COG2: variants seen among roughly 807,000 people sequenced by gnomAD.
The protein encoded by COG2 is component of oligomeric golgi complex 2.
COG2 carries 52 observed loss-of-function variants against 90.6 expected under a neutral mutation model. The ratio of observed to expected loss-of-function variants is 0.57; its 90% confidence interval spans 0.46 to 0.72. The LOEUF is 0.72. Among genes scored for constraint, COG2 ranks in the 30% least tolerant of loss-of-function variants. COG2 has a pLI of 0.00. For synonymous variants in COG2, 337 were observed against 320.4 expected, an observed-to-expected ratio of 1.05 and a Z score of -0.55; for missense variants, 829 against 891.2, an observed-to-expected ratio of 0.93 and a Z score of 0.89.
intron 1 of COG2, among the ~76,000 whole-genome samples, chr1:230,652,798 A>G (rs1195172118): frequency 6.6e-6 from 1 of 152,058 alleles, no homozygotes; most frequent in African/African-American, 2.4e-5. Flanking sequence ...ATTTTTTCAG[A>G]TCTTTCGCTC....
rs1663096662 is a variant in COG2, at chr1:230,693,574, A to G, written c.*181A>G. ...AGCGTATTTGGGTCTTCTTTGCCCA[A>G]AAGAACACAAAAGCCTTTTTCCATT... On this transcript the variant is annotated 3_prime_UTR_variant, in exon 18 of 18. Coordinates refer to ENST00000366669, the MANE Select transcript of COG2 (RefSeq NM_007357.3). 4.5e-6 allele frequency: 2 copies of G among 445,846 alleles called. No individual in the cohort carries two copies. The highest frequency in any genetic ancestry group is 4.2e-5 in the Admixed American group (1 of 23,752). 27.6% of individuals were successfully genotyped at this position (445,846 alleles called of 1,614,324 possible).
intron 1 of COG2, among the ~76,000 whole-genome samples, chr1:230,646,973 T>C (rs940326600): frequency 6.6e-6 from 1 of 152,174 alleles, no homozygotes; most frequent in Non-Finnish European, 1.5e-5. Context: ...CATTATAATC[T>C]AGTGGCTTCT....
chr1:230,668,815 G>A, intron 6 of COG2, 31 bp downstream of exon 6: 5 of 1,347,132 alleles, frequency 3.7e-6, no homozygotes, highest in Non-Finnish European at 5.2e-6. Context: ...CCACAGTTTG[G>A]TGTTTAGGGA....
At chr1:230,653,953 C>T (rs1254375937) in intron 1 of COG2, among the ~76,000 whole-genome samples, 2 of 152,274 alleles carry the variant, frequency 1.3e-5, no homozygotes, top group South Asian at 2.1e-4. Flanking sequence ...GGTATCCTCT[C>T]AACTCTTGTA....
chr1:230,683,654 TA>T lies in COG2; in HGVS notation c.1228+21del, dbSNP rs749812254. The T allele has an allele frequency of 2.6e-6, 4 of 1,555,690 alleles. No homozygotes were observed. In the South Asian group the frequency reaches 4.5e-5, roughly 17 times the overall value. ...GCCCCAGGTAACTCCCTTAAAGTGATAAGTGGCATGGTATCCTAAATGAGTT... is the reference window on the plus strand; with the variant it reads ...GCCCCAGGTAACTCCCTTAAAGTGATAGTGGCATGGTATCCTAAATGAGTT... On this transcript the variant is annotated intron_variant, in intron 11 of 17. Transcript: ENST00000366669.
At chr1:230,666,780 A>G (rs375469785) in intron 5 of COG2, among the ~76,000 whole-genome samples, 1 of 152,182 alleles carries the variant, frequency 6.6e-6, no homozygotes, top group African/African-American at 2.4e-5. Flanking sequence ...AGCTCAAAAC[A>G]TGCTTAAAGT....
intron 1 of COG2, among the ~76,000 whole-genome samples, chr1:230,646,308 C>T (rs185542719): frequency 1.2e-4 from 19 of 152,322 alleles, no homozygotes; most frequent in African/African-American, 4.3e-4. Context: ...AGATGGAAGT[C>T]GATCCACCAG....
At chr1:230,692,179 T>C (rs985294393) in intron 17 of COG2, among the ~76,000 whole-genome samples, 13 of 152,070 alleles carry the variant, frequency 8.5e-5, no homozygotes, top group African/African-American at 3.1e-4. Flanking sequence ...GAGGACAGTA[T>C]CATAAAACCT....
At chr1:230,647,088 G>A (rs959853419) in intron 1 of COG2, among the ~76,000 whole-genome samples, 3 of 151,938 alleles carry the variant, frequency 2.0e-5, no homozygotes, top group Non-Finnish European at 4.4e-5. Context: ...TATGTAACAG[G>A]TGCTTGTATG....
At chr1:230,664,359 T>A (rs1224953449) in intron 4 of COG2, 125 bp from the exon 5 acceptor site, 1 of 418,652 alleles carries the variant, frequency 2.4e-6, no homozygotes, top group Non-Finnish European at 4.3e-6. Flanking sequence ...ATACTAAAAA[T>A]ATAGAATGCT....
intron 1 of COG2, among the ~76,000 whole-genome samples, chr1:230,654,070 C>G (rs546574690): frequency 6.6e-6 from 1 of 152,148 alleles, no homozygotes; most frequent in Non-Finnish European, 1.5e-5. Flanking sequence ...TGTAGGTTGC[C>G]TGTTCACTCT....
At chr1:230,669,069 G>A (rs907473931) in intron 6 of COG2, 2 of 449,240 alleles carry the variant, frequency 4.5e-6, no homozygotes, top group Non-Finnish European at 3.9e-6. Context: ...GCCCTTAATT[G>A]GATTTTAAAT....
In COG2 at chr1:230,658,208, T is replaced by C. The variant is rs144096297; in HGVS notation, c.73-1256T>C. On this transcript the variant is annotated intron_variant, in intron 1 of 17. Transcript: ENST00000366669. Reference sequence around the variant, plus strand: ...GTTTCTCCCCATCTTTGTGGATTAATCTACCTTTGGTCTTTGATGTTGGTG... The same window carrying C: ...GTTTCTCCCCATCTTTGTGGATTAACCTACCTTTGGTCTTTGATGTTGGTG... Among the ~76,000 whole-genome samples the C allele has an allele frequency of 2.7e-4, 41 of 152,318 alleles. No individual in the cohort carries two copies. The East Asian group carries it at 7.6e-3, about 28-fold the overall frequency.
intron 7 of COG2, chr1:230,670,599 T>C (rs1025638329): frequency 6.6e-6 from 1 of 152,156 alleles, no homozygotes; most frequent in African/African-American, 2.4e-5. Context: ...ACATTATTTC[T>C]TTGTCAATAA....
At chr1:230,661,861 G>A (rs1662187759) in intron 3 of COG2, among the ~76,000 whole-genome samples, 1 of 152,106 alleles carries the variant, frequency 6.6e-6, no homozygotes, top group Admixed American at 6.5e-5. Flanking sequence ...TTCTTGGCAT[G>A]GAAGGAAAAT....
At position 230,685,217 on chromosome 1, in the gene COG2, ACT is replaced by A; in HGVS notation, c.1364_1365del (p.Ser455CysfsTer5). ...CTCACTCTGCAGATTTTGGCACGATACTCTGTGTTTGTCAATGAGGTAAGGGC... is the reference window on the plus strand; with the variant it reads ...CTCACTCTGCAGATTTTGGCACGATACTGTGTTTGTCAATGAGGTAAGGGC... On this transcript the variant is annotated frameshift_variant, in exon 12 of 18. Transcript: ENST00000366669. LOFTEE classifies it high-confidence loss of function. 6.2e-7 allele frequency: 1 copy of A among 1,614,092 alleles called. No individual in the cohort carries two copies. The highest frequency in any genetic ancestry group is 8.5e-7 in the Non-Finnish European group (1 of 1,180,022).
intron 1 of COG2, among the ~76,000 whole-genome samples, chr1:230,645,931 A>T (rs1157887479): frequency 1.3e-5 from 2 of 152,118 alleles, no homozygotes; most frequent in Non-Finnish European, 2.9e-5. Context: ...GGCTGTGAAT[A>T]CAGGCTGCGC....
chr1:230,678,923 T>A lies in COG2; in HGVS notation c.1037T>A (p.Ile346Lys). 2 of 1,611,902 alleles carry A rather than the reference T, an allele frequency of 1.2e-6. No homozygotes were observed. Among genetic ancestry groups the A allele is most frequent in the Non-Finnish European group, 1.7e-6 (2 of 1,178,668 alleles). Reference sequence around the variant, plus strand: ...TTTGTTTTATTTTAGAAATATACCATAAGTATGGATTTTGTCAGAAGATTG... The same window carrying A: ...TTTGTTTTATTTTAGAAATATACCAAAAGTATGGATTTTGTCAGAAGATTG... ...NPDAFHEKYT[I>K]SMDFVRRLER... Residue 346 changes from isoleucine to lysine, a missense_variant, in exon 10 of 18, where the codon ATA becomes AAA. By Grantham distance (102) the Ile-to-Lys change is moderately radical (BLOSUM62 -3). Transcript: ENST00000366669.
At chr1:230,660,315 C>G (rs1439684337) in intron 2 of COG2, among the ~76,000 whole-genome samples, 9 of 152,110 alleles carry the variant, frequency 5.9e-5, no homozygotes, top group African/African-American at 2.2e-4. Flanking sequence ...GATTAGAAAC[C>G]TAGAAAATTA....
Sources: gnomAD v4.1 joint callset for allele counts (sites outside exome capture counted in the v4.1 genomes callset) on GRCh38, gnomAD v4.1.1 for gene constraint, MANE v1.5 for transcripts, NCBI Gene and HGNC (gene_info 2026-07-23, HGNC 2026-07-21) for gene names.